The following GRID2 variants were observed in gnomAD, a reference collection of about 807,000 sequenced individuals.
GRID2 encodes the protein glutamate receptor ionotropic, delta-2.
In GRID2, 33 loss-of-function variants were observed where a neutral mutation model predicts 114.8. The observed-to-expected ratio is 0.29, with a 90% CI of 0.22 to 0.38. The LOEUF is 0.38. Among genes scored for constraint, GRID2 ranks in the 10% least tolerant of loss-of-function variants. The probability of loss-of-function intolerance (pLI) is 1.00; values close to 1 mark genes in which losing one functional copy is unlikely to be tolerated. For missense variants in GRID2, 1,184 were observed against 1,257.7 expected, an observed-to-expected ratio of 0.94 and a Z score of 0.89; for synonymous variants, 505 against 449.9, an observed-to-expected ratio of 1.12 and a Z score of -1.55.
chr4:93,131,145 A>AT (rs34215461), intron 4 of GRID2, among the ~76,000 whole-genome samples: 4,053 of 88,680 alleles, frequency 0.046, 31 homozygotes, highest in Non-Finnish European at 0.062. Flanking sequence ...AGATTAAATA[A>AT]TTTTTTTTTT....
intron 11 of GRID2, among the ~76,000 whole-genome samples, chr4:93,478,000 A>T (rs965827214): frequency 2.6e-5 from 4 of 152,108 alleles, no homozygotes; most frequent in African/African-American, 9.7e-5. Context: ...CACTTACCTC[A>T]GTATTTTTTA....
chr4:93,329,561 T>G (rs907655330), intron 8 of GRID2, among the ~76,000 whole-genome samples: 1 of 152,078 alleles, frequency 6.6e-6, no homozygotes, highest in African/African-American at 2.4e-5. Flanking sequence ...TAGTATGAAA[T>G]AACTATTTGG....
intron 1 of GRID2, among the ~76,000 whole-genome samples, chr4:92,361,893 A>G (rs1728637910): frequency 6.6e-6 from 1 of 151,910 alleles, no homozygotes. Context: ...AGGATCATCA[A>G]CTCAGTTAAT....
At chr4:93,261,331 C>T (rs1750232414) in intron 8 of GRID2, among the ~76,000 whole-genome samples, 1 of 151,816 alleles carries the variant, frequency 6.6e-6, no homozygotes, top group Non-Finnish European at 1.5e-5. Context: ...AAAAGACATA[C>T]AATGTGATCC....
At chr4:92,389,296 G>C (rs1730132916) in intron 1 of GRID2, among the ~76,000 whole-genome samples, 1 of 151,988 alleles carries the variant, frequency 6.6e-6, no homozygotes, top group Non-Finnish European at 1.5e-5. Flanking sequence ...GATGTGGAAA[G>C]GGACAGTATG....
chr4:93,598,751 C>G lies in GRID2; in HGVS notation c.2194-27518C>G, dbSNP rs1042995220. 2.0e-5 allele frequency among the ~76,000 whole-genome samples: 3 copies of G among 152,156 alleles called. No homozygotes were observed. The East Asian group carries it at 5.8e-4, about 29-fold the overall frequency. On this transcript the variant is annotated intron_variant, in intron 13 of 15. Coordinates refer to ENST00000282020, the MANE Select transcript of GRID2 (RefSeq NM_001510.4). ...TGCAAACTAAAACTATCTTTTGCCT[C>G]TTTCTTTATCCTCTTTCATAGCTTT...
chr4:92,654,739 T>G (rs1579777035), intron 2 of GRID2, among the ~76,000 whole-genome samples: 2 of 151,394 alleles, frequency 1.3e-5, no homozygotes, highest in East Asian at 4.0e-4. Flanking sequence ...TTGCCTATTT[T>G]CAAATGGAAT....
intron 2 of GRID2, among the ~76,000 whole-genome samples, chr4:92,638,722 A>T (rs1731195966): frequency 6.6e-6 from 1 of 150,604 alleles, no homozygotes; most frequent in South Asian, 2.1e-4. Context: ...AAGATTAATG[A>T]AATTTAGAAT....
chr4:93,281,586 T>A (rs1752656246), intron 8 of GRID2, among the ~76,000 whole-genome samples: 1 of 152,034 alleles, frequency 6.6e-6, no homozygotes, highest in African/African-American at 2.4e-5. Flanking sequence ...GCAATTCACA[T>A]AATATAGTGA....
At chr4:92,969,468 G>T (rs188568446) in intron 2 of GRID2, among the ~76,000 whole-genome samples, 1 of 151,486 alleles carries the variant, frequency 6.6e-6, no homozygotes, top group Admixed American at 6.6e-5. Context: ...TATAATGAGG[G>T]TCTTTGTGGA....
At chr4:93,742,127 T>C (rs1243171626) in intron 14 of GRID2, among the ~76,000 whole-genome samples, 1 of 152,182 alleles carries the variant, frequency 6.6e-6, no homozygotes, top group Admixed American at 6.5e-5. Context: ...ACATTTTTAT[T>C]GTCAATGTCA....
rs78420940 is a variant in GRID2, at chr4:93,788,316, CAA to C, written c.222-18390_222-18389del. 9.8e-5 allele frequency among the ~76,000 whole-genome samples: 14 copies of C among 143,402 alleles called. No individual in the cohort carries two copies. In the East Asian group the frequency reaches 1.0e-3, roughly 10 times the overall value. The allele number at this position is 143,402 out of a possible 152,430, so 94.1% of individuals were successfully genotyped here. A position where few individuals can be genotyped will look rare whatever the true frequency, so the allele number is the denominator to read the frequency against. On this transcript the variant is annotated intron_variant, in intron 1 of 1. Coordinates refer to the GRID2 transcript ENST00000637838. ...CAGGGTGACAGAGCGAGACTCCGCTCAAAAAAAAAAGAAAAGAAAACGTAAAG... is the reference window on the plus strand; with the variant it reads ...CAGGGTGACAGAGCGAGACTCCGCTCAAAAAAAAGAAAAGAAAACGTAAAG...
chr4:93,071,749 G>C (rs1434382666), intron 2 of GRID2, among the ~76,000 whole-genome samples: 1 of 152,116 alleles, frequency 6.6e-6, no homozygotes, highest in Admixed American at 6.6e-5. Flanking sequence ...CCAGGCAGAA[G>C]CTTATAAAGG....
chr4:93,073,460 T>C (rs1366901171), intron 2 of GRID2, among the ~76,000 whole-genome samples: 3 of 152,208 alleles, frequency 2.0e-5, no homozygotes, highest in Non-Finnish European at 4.4e-5. Context: ...GTGTTAATAA[T>C]CTGTTCACAT....
intron 1 of GRID2, among the ~76,000 whole-genome samples, chr4:92,393,926 C>T (rs927900556): frequency 6.6e-6 from 1 of 152,098 alleles, no homozygotes; most frequent in African/African-American, 2.4e-5. Context: ...TGGATAGTGT[C>T]ACAGAAATAC....
rs568137995 is a variant in GRID2, at chr4:93,391,523, G to A, written c.1246-4084G>A. Among the ~76,000 whole-genome samples, 11 of 152,220 alleles carry A rather than the reference G, an allele frequency of 7.2e-5. No homozygotes were observed. In the East Asian group the frequency reaches 2.1e-3, roughly 29 times the overall value. On this transcript the variant is annotated intron_variant, in intron 8 of 15. Transcript: ENST00000282020. ...TTGGTCGTACAGATGGGCTTCATTT[G>A]TTCCATATGAATACAAGTTAATAAA... is the stretch of plus-strand genomic sequence containing the variant.
chr4:92,330,457 T>G (rs1726824685), intron 1 of GRID2, among the ~76,000 whole-genome samples: 1 of 152,118 alleles, frequency 6.6e-6, no homozygotes, highest in African/African-American at 2.4e-5. Flanking sequence ...GATTACAGAT[T>G]ACCTCTACAT....
intron 2 of GRID2, among the ~76,000 whole-genome samples, chr4:92,974,852 C>A (rs1312955861): frequency 6.6e-6 from 1 of 151,642 alleles, no homozygotes; most frequent in Non-Finnish European, 1.5e-5. Context: ...ACAAAACAAA[C>A]AACAAAAAAA....
At chr4:93,627,099 G>A (rs755156953) in intron 14 of GRID2, among the ~76,000 whole-genome samples, 3 of 152,132 alleles carry the variant, frequency 2.0e-5, no homozygotes, top group Middle Eastern at 3.2e-3. Context: ...GGGCCTCAAA[G>A]GAGTGCACAA....
Sources: allele counts gnomAD v4.1 joint callset (sites outside exome capture counted in the v4.1 genomes callset), GRCh38; gene constraint gnomAD v4.1.1; transcripts MANE v1.5; gene names NCBI Gene and HGNC (gene_info 2026-07-23, HGNC 2026-07-21).